The following GRM5 variants were observed in gnomAD, a reference collection of about 807,000 sequenced individuals.
The protein encoded by GRM5 is metabotropic glutamate receptor 5.
In GRM5, 19 loss-of-function variants were observed where a neutral mutation model predicts 83.1. The ratio of observed to expected loss-of-function variants is 0.23; its 90% CI spans 0.16 to 0.34. The LOEUF is 0.34. Ranked by LOEUF, GRM5 falls within the 10% of genes least tolerant of loss-of-function variation. The pLI, the probability that GRM5 is intolerant of heterozygous loss-of-function variation, is 1.00. For missense variants in GRM5, 1,160 were observed against 1,588.3 expected (o/e 0.73, Z 4.58); for synonymous variants, 675 against 633.6 (o/e 1.07, Z -0.98).
intron 3 of GRM5, among the ~76,000 whole-genome samples, chr11:88,807,152 GC>G (rs1943512125): frequency 6.6e-6 from 1 of 152,034 alleles, no homozygotes; most frequent in East Asian, 1.9e-4. Context: ...TGCATTTTCT[GC>G]CATAAACCTT....
intron 4 of GRM5, among the ~76,000 whole-genome samples, chr11:88,649,462 C>A (rs1013378830): frequency 1.4e-5 from 2 of 140,346 alleles, no homozygotes; most frequent in Non-Finnish European, 3.1e-5. Flanking sequence ...TTATATATTA[C>A]ATATATACTA....
rs768683389 is a variant in GRM5, at chr11:88,723,449, CTGTT to C, written c.912-70050_912-70047del. ...AGAGTATGTTTTGTTATGTAGGAAA[CTGTT>C]TGTTCGTTTGTATTCCAAAGTGGCT... On this transcript the variant is annotated intron_variant, in intron 3 of 9. Coordinates refer to ENST00000305447, the MANE Select transcript of GRM5 (RefSeq NM_001143831.3). Among the ~76,000 whole-genome samples the C allele has an allele frequency of 3.9e-5, 6 of 152,250 alleles. No individual in the cohort carries two copies. The East Asian group carries it at 5.8e-4, about 15-fold the overall frequency.
intron 2 of GRM5, among the ~76,000 whole-genome samples, chr11:88,938,750 G>A (rs960135473): frequency 1.3e-5 from 2 of 151,466 alleles, no homozygotes; most frequent in African/African-American, 4.8e-5. Context: ...TCATTCATTT[G>A]AATGTCTTTT....
intron 3 of GRM5, among the ~76,000 whole-genome samples, chr11:88,734,932 T>A (rs923575520): frequency 6.6e-6 from 1 of 152,080 alleles, no homozygotes; most frequent in Non-Finnish European, 1.5e-5. Flanking sequence ...AGATGGATTC[T>A]GGGTTTGCTA....
Position 88,508,779 on chromosome 11 carries a change from G to A in GRM5, c.3452C>T (p.Ala1151Val), listed in dbSNP as rs1156455401. 2 of 1,464,932 alleles carry A rather than the reference G, an allele frequency of 1.4e-6. No homozygotes were observed. The highest frequency in any genetic ancestry group is 2.8e-5 in the Admixed American group (1 of 36,338). 90.7% of individuals were successfully genotyped at this position (1,464,932 alleles called of 1,614,324 possible). Reference protein sequence around the residue: ...RESPAAGPEAAAAKPDLEELV... With the variant: ...RESPAAGPEAVAAKPDLEELV... ...CTCCTCCAGGTCTGGCTTGGCGGCC[G>A]CAGCCTCGGGACCGGCCGCGGGGCT... Residue 1151 changes from alanine to valine, a missense_variant, in exon 10 of 10, where the codon GCG (alanine) becomes GTG (valine). By Grantham distance (64) the Ala-to-Val change is moderately conservative. This residue lies in a region of GRM5 where 562 missense variants were observed against 532.4 expected (regional missense o/e 1.06). Coordinates refer to ENST00000305447, the MANE Select transcript of GRM5 (RefSeq NM_001143831.3). This position sits in a 1 kb window ranked among gnomAD's most constrained non-coding sequence, Gnocchi z 4.2.
chr11:88,685,491 T>C (rs1316610377), intron 3 of GRM5, among the ~76,000 whole-genome samples: 1 of 152,244 alleles, frequency 6.6e-6, no homozygotes, highest in African/African-American at 2.4e-5. Flanking sequence ...TCAAGCCAGC[T>C]GCAGAAATTT....
intron 9 of GRM5, chr11:88,522,861 C>T (rs1374961456): frequency 1.3e-5 from 2 of 152,018 alleles, no homozygotes; most frequent in Admixed American, 6.5e-5. Flanking sequence ...AGTGAGGAAA[C>T]AAAAATTAAA....
At chr11:88,905,092 T>C (rs1452166219) in intron 2 of GRM5, among the ~76,000 whole-genome samples, 2 of 152,174 alleles carry the variant, frequency 1.3e-5, no homozygotes, top group African/African-American at 4.8e-5. Context: ...GATGTGTCTA[T>C]ATAATATATG....
intron 2 of GRM5, among the ~76,000 whole-genome samples, chr11:89,041,456 G>A (rs1181195288): frequency 6.6e-6 from 1 of 152,218 alleles, no homozygotes; most frequent in Non-Finnish European, 1.5e-5. Flanking sequence ...TCTTATAGGT[G>A]AGCCAGAGTC....
At chr11:88,539,686 C>T (rs1942219175) in intron 8 of GRM5, among the ~76,000 whole-genome samples, 1 of 152,152 alleles carries the variant, frequency 6.6e-6, no homozygotes, top group Non-Finnish European at 1.5e-5. Flanking sequence ...TAAGTTAATG[C>T]ATCTTTGATT....
intron 4 of GRM5, among the ~76,000 whole-genome samples, chr11:88,607,022 T>C (rs955688342): frequency 6.6e-5 from 10 of 151,848 alleles, no homozygotes; most frequent in Non-Finnish European, 1.5e-4. Flanking sequence ...TCCCAAATTG[T>C]AGAGGCTTAT....
At chr11:88,850,744 G>C (rs193065907) in intron 2 of GRM5, among the ~76,000 whole-genome samples, 108 of 152,004 alleles carry the variant, frequency 7.1e-4, no homozygotes, top group Middle Eastern at 3.4e-3. Flanking sequence ...GCAGGTGAAT[G>C]TGTAAACTTA....
chr11:88,505,031 T>C lies in GRM5; in HGVS notation c.*3561A>G, dbSNP rs1258436123. The C allele has an allele frequency of 1.3e-5, 2 of 152,166 alleles. No individual in the cohort carries two copies. The highest frequency in any genetic ancestry group is 4.8e-5 in the African/African-American group (2 of 41,444). 9.4% of individuals were successfully genotyped at this position (152,166 alleles called of 1,614,324 possible). A position where few individuals can be genotyped will look rare whatever the true frequency, so the allele number is the denominator to read the frequency against. On this transcript the variant is annotated 3_prime_UTR_variant, in exon 10 of 10. Transcript: ENST00000305447. The stretch of plus-strand genomic sequence containing the variant: ...AATACACACAATATACATAGTATAT[T>C]TGTTCACATTGGGAAGATCAGTGAA...
intron 2 of GRM5, among the ~76,000 whole-genome samples, chr11:88,861,838 T>C (rs1176801072): frequency 1.3e-5 from 2 of 152,056 alleles, no homozygotes; most frequent in Non-Finnish European, 2.9e-5. Flanking sequence ...TCCCCTCCAA[T>C]GTCATAGGAT....
At chr11:88,753,858 G>A (rs114195324) in intron 3 of GRM5, among the ~76,000 whole-genome samples, 20 of 152,204 alleles carry the variant, frequency 1.3e-4, no homozygotes, top group African/African-American at 4.3e-4. Flanking sequence ...TGAAAGGCAC[G>A]TCTCACATTG....
At chr11:88,767,975 C>A (rs1392921078) in intron 3 of GRM5, among the ~76,000 whole-genome samples, 1 of 151,736 alleles carries the variant, frequency 6.6e-6, no homozygotes, top group Non-Finnish European at 1.5e-5. Context: ...AAATTGGAAC[C>A]CTCGTATGCT....
At chr11:88,696,011 G>T (rs940210524) in intron 3 of GRM5, among the ~76,000 whole-genome samples, 1 of 152,168 alleles carries the variant, frequency 6.6e-6, no homozygotes, top group African/African-American at 2.4e-5. Flanking sequence ...AAGACAGAAG[G>T]CTTTCTGTAT....
chr11:88,976,790 A>AT (rs1465838697), intron 2 of GRM5, among the ~76,000 whole-genome samples: 13 of 152,154 alleles, frequency 8.5e-5, no homozygotes, highest in African/African-American at 2.9e-4. Context: ...GTTTTTTCAG[A>AT]GATAAAAATG....
intron 4 of GRM5, among the ~76,000 whole-genome samples, chr11:88,607,112 A>C (rs1473083041): frequency 6.6e-6 from 1 of 152,146 alleles, no homozygotes. Flanking sequence ...AAACTGGCGT[A>C]GTGCATTGTG....
Sources: allele counts gnomAD v4.1 joint callset (sites outside exome capture counted in the v4.1 genomes callset), GRCh38; gene constraint gnomAD v4.1.1; regional missense constraint gnomAD v4.1.1; non-coding constraint Gnocchi (gnomAD v3.1); transcripts MANE v1.5; gene names NCBI Gene and HGNC (gene_info 2026-07-23, HGNC 2026-07-21).